Variants in JAZF1 observed in about 807,000 individuals in gnomAD.
JAZF1 encodes JAZF zinc finger 1, also known as juxtaposed with another zinc finger protein 1.
JAZF1 carries 8 observed loss-of-function variants against 26.4 expected under a neutral mutation model. The observed-to-expected ratio is 0.30, with a 90% CI of 0.18 to 0.55. The LOEUF is 0.55. JAZF1 is among the 20% of genes least tolerant of loss of function. The pLI is 0.94. For synonymous variants in JAZF1, 126 were observed against 122.3 expected (o/e 1.03, Z -0.20); for missense variants, 199 against 322.0 (o/e 0.62, Z 2.92).
At chr7:27,952,231 C>A (rs1000724134) in intron 2 of JAZF1, among the ~76,000 whole-genome samples, 1 of 152,204 alleles carries the variant, frequency 6.6e-6, no homozygotes, top group Non-Finnish European at 1.5e-5. Flanking sequence ...AAGGTAGAGG[C>A]TGCACCTAGC....
chr7:27,979,226 A>G (rs1785531222), intron 2 of JAZF1, among the ~76,000 whole-genome samples: 2 of 152,166 alleles, frequency 1.3e-5, no homozygotes, highest in South Asian at 4.2e-4. Flanking sequence ...AGGCATGACA[A>G]TTCTTTACAT....
chr7:28,091,073 G>A (rs1407568113), intron 1 of JAZF1, among the ~76,000 whole-genome samples: 1 of 151,472 alleles, frequency 6.6e-6, no homozygotes, highest in Non-Finnish European at 1.5e-5. Context: ...TGATCCACCC[G>A]CCTCGGCCTC....
At chr7:27,882,273 A>C (rs961182101) in intron 3 of JAZF1, among the ~76,000 whole-genome samples, 15 of 151,492 alleles carry the variant, frequency 9.9e-5, no homozygotes, top group Admixed American at 2.0e-4. Flanking sequence ...GATTTTACCT[A>C]TGTGTTCCAT....
In JAZF1 at chr7:28,117,328, C is replaced by T. The variant is rs187739498; in HGVS notation, c.115+63135G>A. On this transcript the variant is annotated intron_variant, in intron 1 of 4. Coordinates refer to ENST00000283928, the MANE Select transcript of JAZF1 (RefSeq NM_175061.4). ...GTTATAAAGGAATGTCTTCCAGTTTCTCAGCATTTTATGCAGATACAAATA... is the reference window on the plus strand; with the variant it reads ...GTTATAAAGGAATGTCTTCCAGTTTTTCAGCATTTTATGCAGATACAAATA... 3.1e-3 allele frequency among the ~76,000 whole-genome samples: 471 copies of T among 152,198 alleles called. 3 individuals carry two copies. Among genetic ancestry groups the T allele is most frequent in the Non-Finnish European group, 4.5e-3 (306 of 68,016 alleles).
intron 2 of JAZF1, among the ~76,000 whole-genome samples, chr7:27,940,538 C>T (rs140581839): frequency 5.3e-5 from 8 of 152,196 alleles, no homozygotes; most frequent in Non-Finnish European, 1.2e-4. Context: ...AGGCATTGAA[C>T]AAAAGCTCTC....
rs544888849 is a variant in JAZF1, at chr7:28,092,481, G to A, written c.115+87982C>T. On this transcript the variant is annotated intron_variant, in intron 1 of 4. Transcript: ENST00000283928. ...CAGAAAGGGATAAGCAATATTAAAAGTATATAAAAAATTAAAATAGGGAAG... is the reference window on the plus strand; with the variant it reads ...CAGAAAGGGATAAGCAATATTAAAAATATATAAAAAATTAAAATAGGGAAG... Among the ~76,000 whole-genome samples, 11 of 144,210 alleles carry A rather than the reference G, an allele frequency of 7.6e-5. No homozygotes were observed. The South Asian group carries it at 2.3e-3, about 30-fold the overall frequency. The allele number at this position is 144,210 out of a possible 152,430, so 94.6% of individuals were successfully genotyped here.
intron 1 of JAZF1, among the ~76,000 whole-genome samples, chr7:28,175,119 T>C (rs1030232971): frequency 1.1e-4 from 16 of 152,314 alleles, no homozygotes; most frequent in African/African-American, 3.6e-4. Flanking sequence ...GGAAAGGCCA[T>C]GTTGGAAGCC....
intron 3 of JAZF1, among the ~76,000 whole-genome samples, chr7:27,870,141 G>C (rs901685328): frequency 2.1e-5 from 3 of 143,848 alleles, no homozygotes; most frequent in Non-Finnish European, 3.0e-5. Flanking sequence ...TGGTCAGGCT[G>C]GTCTCGAACT....
chr7:28,029,656 G>A (rs933920964), intron 1 of JAZF1, among the ~76,000 whole-genome samples: 1 of 152,152 alleles, frequency 6.6e-6, no homozygotes, highest in Non-Finnish European at 1.5e-5. Context: ...AAGTATTGAG[G>A]CAACAGAGAT....
intron 1 of JAZF1, among the ~76,000 whole-genome samples, chr7:28,162,680 G>A (rs113711293): frequency 8.0e-4 from 122 of 152,306 alleles, no homozygotes; most frequent in Non-Finnish European, 1.3e-3. Context: ...GACACACCAT[G>A]AAAATTAGTC....
intron 1 of JAZF1, among the ~76,000 whole-genome samples, chr7:28,176,315 T>C (rs1783550732): frequency 6.6e-6 from 1 of 152,226 alleles, no homozygotes; most frequent in African/African-American, 2.4e-5. Context: ...AATAACTGAA[T>C]TGGGTCAGAT....
chr7:27,903,314 C>T (rs1208835199), intron 2 of JAZF1, among the ~76,000 whole-genome samples: 1 of 152,110 alleles, frequency 6.6e-6, no homozygotes. Flanking sequence ...TCATGTCAGC[C>T]TCCTGAGTAG....
At chr7:28,078,962 T>C (rs1784095180) in intron 1 of JAZF1, among the ~76,000 whole-genome samples, 1 of 152,090 alleles carries the variant, frequency 6.6e-6, no homozygotes, top group South Asian at 2.1e-4. Context: ...CTCCTTTCTT[T>C]ACAGATGGAA....
chr7:28,036,444 C>A lies in JAZF1; in HGVS notation c.116-44463G>T, dbSNP rs71539555. On this transcript the variant is annotated intron_variant, in intron 1 of 4. Transcript: ENST00000283928. ...GTTGTTTTCCTTGTTTATTCTTCAT[C>A]TGGTGCCATAGTCTTCACTCATTTT... Among the ~76,000 whole-genome samples, 1,172 of 152,276 alleles carry A rather than the reference C, an allele frequency of 7.7e-3. 8 individuals carry two copies. The highest frequency in any genetic ancestry group is 0.034 in the Middle Eastern group (10 of 294).
chr7:28,005,077 C>T (rs1782675803), intron 1 of JAZF1, among the ~76,000 whole-genome samples: 1 of 152,120 alleles, frequency 6.6e-6, no homozygotes, highest in South Asian at 2.1e-4. Context: ...TTTCGAAAAC[C>T]AAATCACAAT....
At chr7:27,843,738 C>A (rs771935364) in intron 3 of JAZF1, 1 of 152,238 alleles carries the variant, frequency 6.6e-6, no homozygotes, top group Non-Finnish European at 1.5e-5. Context: ...GCACTGTGAG[C>A]CCAGGCAAGT....
chr7:28,120,501 C>CTTTTTTTTTTTTT lies in JAZF1; in HGVS notation c.115+59949_115+59961dup, dbSNP rs58448766. Among the ~76,000 whole-genome samples, 34 of 59,014 alleles carry CTTTTTTTTTTTTT rather than the reference C, an allele frequency of 5.8e-4. 9 individuals are homozygous for CTTTTTTTTTTTTT. The highest frequency in any genetic ancestry group is 2.1e-3 in the South Asian group (2 of 966). The allele number at this position is 59,014 out of a possible 152,430, so 38.7% of individuals were successfully genotyped here. On this transcript the variant is annotated intron_variant, in intron 1 of 4. Transcript: ENST00000283928. ...TCTGAACCACTAGCCACACACAGTT[C>CTTTTTTTTTTTTT]TTTTTTTTTTTTTTTTTTTTTTTTT...
At chr7:27,979,366 A>ATTTTTTTTTTTTTTTTTT (rs55737757) in intron 2 of JAZF1, among the ~76,000 whole-genome samples, 1 of 58,390 alleles carries the variant, frequency 1.7e-5, no homozygotes, top group African/African-American at 6.7e-5. Context: ...GGTACACTAC[A>ATTTTTTTTTTTTTTTTTT]TTTTTTTTTT....
At chr7:28,060,516 T>C (rs1783781769) in intron 1 of JAZF1, among the ~76,000 whole-genome samples, 1 of 152,254 alleles carries the variant, frequency 6.6e-6, no homozygotes, top group African/African-American at 2.4e-5. Context: ...TTAATTAGAT[T>C]CTAAGCTGAA....
Sources: allele counts gnomAD v4.1 joint callset (sites outside exome capture counted in the v4.1 genomes callset), GRCh38; gene constraint gnomAD v4.1.1; transcripts MANE v1.5; gene names NCBI Gene and HGNC (gene_info 2026-07-23, HGNC 2026-07-21).